R3HDM4: variants seen among roughly 807,000 people sequenced by gnomAD.
R3HDM4 encodes the protein R3H domain-containing protein 4.
A neutral mutation model predicts 31.3 loss-of-function variants in R3HDM4; 30 were observed. The observed-to-expected ratio is 0.96, with a 90% CI of 0.72 to 1.30. The LOEUF is 1.30. R3HDM4 is among the 50% of genes most tolerant of loss of function. R3HDM4 has a pLI of 0.00. For synonymous variants in R3HDM4, 196 were observed against 156.6 expected, an observed-to-expected ratio of 1.25 and a Z score of -1.88; for missense variants, 444 against 366.1, an observed-to-expected ratio of 1.21 and a Z score of -1.74.
At position 901,310 on chromosome 19, in the gene R3HDM4, G is replaced by C. The variant is rs552264478; in HGVS notation, c.351+112C>G. The C allele has an allele frequency of 2.1e-4, 253 of 1,203,454 alleles. 1 individual carries two copies. The African/African-American group carries it at 3.5e-3, about 16-fold the overall frequency. The allele number at this position is 1,203,454 out of a possible 1,614,324, so 74.5% of individuals were successfully genotyped here. On this transcript the variant is annotated intron_variant, in intron 3 of 7. Coordinates refer to ENST00000361574, the MANE Select transcript of R3HDM4 (RefSeq NM_138774.4). ...GGAGACTGAGGGGCCTTCATTAGGA[G>C]ATCAGAAGTGGGCGGGTGCTTCTGG...
chr19:903,564 G>C (rs113564307), intron 1 of R3HDM4, among the ~76,000 whole-genome samples: 5 of 152,164 alleles, frequency 3.3e-5, no homozygotes, highest in African/African-American at 1.2e-4. Flanking sequence ...GGGCCGGTGA[G>C]GGGGGGCCTC....
rs970612271 is a variant in R3HDM4, at chr19:901,178, C to T, written c.352-226G>A. 14 of 667,088 alleles carry T rather than the reference C, an allele frequency of 2.1e-5. No homozygotes were observed. The African/African-American group carries it at 2.4e-4, about 11-fold the overall frequency. 41.3% of individuals were successfully genotyped at this position (667,088 alleles called of 1,614,324 possible). ...GGGTGGGGGGGATTGAGGTGAAACA[C>T]TCCTGCAATCGTTGGAGGGTTCCCA... On this transcript the variant is annotated intron_variant, in intron 3 of 7. Transcript: ENST00000361574.
rs764676390 is a variant in R3HDM4, at chr19:899,674, T to C, written c.574A>G (p.Thr192Ala). 1.3e-6 allele frequency: 2 copies of C among 1,593,680 alleles called. No individual in the cohort carries two copies. Among genetic ancestry groups the C allele is most frequent in the East Asian group, 2.2e-5 (1 of 44,498 alleles). The change falls in exon 6 of 8, where the codon ACC becomes GCC. Residue 192 changes from threonine (T) to alanine (A), a missense_variant. Thr to Ala is a moderately conservative substitution (Grantham distance 58). Transcript: ENST00000361574. The surrounding 1 kb of genome is among the most constrained non-coding windows in gnomAD (Gnocchi z 6.8). ...AACCGAAGCAGCCGCTCCTCCCAGG[T>C]CTCCAGCGTTTCCTGGGGAGAGCGG... The part of the protein sequence containing the change: ...RSRIPMETLE[T>A]WEERLLRFFS...
chr19:900,878 C>G lies in R3HDM4; in HGVS notation c.426G>C (p.Arg142Ser). ...CAGGGCCCCTCCTCCGCGCCTTGCTCCTGCCCTCATCCTCCAGGTAGCGAA... is the reference window on the plus strand; with the variant it reads ...CAGGGCCCCTCCTCCGCGCCTTGCTGCTGCCCTCATCCTCCAGGTAGCGAA... Reference protein sequence around the residue: ...RVLRYLEDEGRSKARRRGPGR... With the variant: ...RVLRYLEDEGSSKARRRGPGR... Residue 142 changes from arginine to serine, a missense_variant, in exon 4 of 8, where the codon AGG becomes AGC. Transcript: ENST00000361574. 6.3e-7 allele frequency: 1 copy of G among 1,576,306 alleles called. No individual in the cohort carries two copies. The highest frequency in any genetic ancestry group is 8.6e-7 in the Non-Finnish European group (1 of 1,162,822).
At chr19:905,007 G>T (rs575762652) in intron 1 of R3HDM4, among the ~76,000 whole-genome samples, 1 of 152,066 alleles carries the variant, frequency 6.6e-6, no homozygotes, top group East Asian at 1.9e-4. Flanking sequence ...AGGAGTTCAA[G>T]ACCACCCTGG....
intron 1 of R3HDM4, among the ~76,000 whole-genome samples, chr19:910,713 T>C (rs536355260): frequency 6.6e-6 from 1 of 152,116 alleles, no homozygotes; most frequent in Admixed American, 6.6e-5. Flanking sequence ...CAAAGACGCA[T>C]CCTTTCTCCT....
chr19:899,900 G>A lies in R3HDM4; in HGVS notation c.561+161C>T, dbSNP rs190082648. Among the ~76,000 whole-genome samples, 6 of 152,250 alleles carry A rather than the reference G, an allele frequency of 3.9e-5. No individual in the cohort carries two copies. Among genetic ancestry groups the A allele is most frequent in the Non-Finnish European group, 5.9e-5 (4 of 68,000 alleles). The stretch of plus-strand genomic sequence containing the variant: ...TACACACCCTGCAGTGCCCGCCTTC[G>A]TTGCCCCCGCCCTCCTACTCAGGGC... On this transcript the variant is annotated intron_variant, in intron 5 of 7. Transcript: ENST00000361574. The surrounding 1 kb of genome is among the most constrained non-coding windows in gnomAD (Gnocchi z 6.8).
chr19:909,374 G>A (rs1382775362), intron 1 of R3HDM4, among the ~76,000 whole-genome samples: 4 of 152,152 alleles, frequency 2.6e-5, no homozygotes, highest in South Asian at 4.1e-4. Flanking sequence ...GGCAGACTGC[G>A]GCGGCCCCCA....
At chr19:909,950 C>T (rs908444439) in intron 1 of R3HDM4, among the ~76,000 whole-genome samples, 1 of 152,170 alleles carries the variant, frequency 6.6e-6, no homozygotes, top group Non-Finnish European at 1.5e-5. Flanking sequence ...TTTGTGAGCC[C>T]AAGGCAGGTG....
Position 897,347 on chromosome 19 carries a change from A to G in R3HDM4, c.*90T>C. ...AAGCGAAAAAGGTTTCCGAGGACAAATTCTAAAAATATGAAAGATATTTTA... is the reference window on the plus strand; with the variant it reads ...AAGCGAAAAAGGTTTCCGAGGACAAGTTCTAAAAATATGAAAGATATTTTA... On this transcript the variant is annotated 3_prime_UTR_variant, in exon 8 of 8. Transcript: ENST00000361574. The G allele has an allele frequency of 9.7e-7, 1 of 1,029,884 alleles. No individual in the cohort carries two copies. Among genetic ancestry groups the G allele is most frequent in the Non-Finnish European group, 1.4e-6 (1 of 716,502 alleles). 63.8% of individuals were successfully genotyped at this position (1,029,884 alleles called of 1,614,324 possible).
In R3HDM4 at chr19:905,394, A is replaced by G. The variant is rs147666764; in HGVS notation, c.72-3264T>C. ...GTGACGCATGCCTGTAATCCCAGCT[A>G]TTTGAGAGGCTGAGGCAGGAGAATT... On this transcript the variant is annotated intron_variant, in intron 1 of 7. Transcript: ENST00000361574. Among the ~76,000 whole-genome samples, 143 of 151,112 alleles carry G rather than the reference A, an allele frequency of 9.5e-4. 4 individuals carry two copies. In the East Asian group the frequency reaches 0.024, roughly 26 times the overall value.
chr19:909,029 C>T (rs2036940115), intron 1 of R3HDM4, among the ~76,000 whole-genome samples: 2 of 152,236 alleles, frequency 1.3e-5, no homozygotes, highest in Non-Finnish European at 2.9e-5. Context: ...CGCCACTCAA[C>T]AAGACCACTT....
At chr19:911,960 T>C (rs2036976391) in intron 1 of R3HDM4, among the ~76,000 whole-genome samples, 1 of 149,262 alleles carries the variant, frequency 6.7e-6, no homozygotes, top group South Asian at 2.1e-4. Context: ...GGGACCAGGC[T>C]GGAGCGCATG....
At chr19:911,046 A>G (rs28512218) in intron 1 of R3HDM4, among the ~76,000 whole-genome samples, 156 of 152,132 alleles carry the variant, frequency 1.0e-3, no homozygotes, top group African/African-American at 2.9e-3. Flanking sequence ...GCGTGAACCC[A>G]GGAGGCGGAG....
chr19:906,057 C>T (rs1419961315), intron 1 of R3HDM4, among the ~76,000 whole-genome samples: 7 of 152,024 alleles, frequency 4.6e-5, no homozygotes, highest in Admixed American at 4.6e-4. Flanking sequence ...CAGAGTCTCA[C>T]TCTGTCACCC....
chr19:901,888 C>G, intron 2 of R3HDM4, 88 bp downstream of exon 2: 1 of 1,520,450 alleles, frequency 6.6e-7, no homozygotes, highest in Non-Finnish European at 9.0e-7. Context: ...AGGCACAGCT[C>G]ATGGGAGGGG....
intron 7 of R3HDM4, among the ~76,000 whole-genome samples, chr19:898,621 A>G (rs1301749089): frequency 2.1e-5 from 3 of 146,080 alleles, no homozygotes; most frequent in African/African-American, 5.0e-5. Flanking sequence ...TAACCAACCA[A>G]AACAAAAAAA....
intron 1 of R3HDM4, among the ~76,000 whole-genome samples, chr19:903,281 G>C (rs1183364709): frequency 6.6e-6 from 1 of 151,634 alleles, no homozygotes; most frequent in Non-Finnish European, 1.5e-5. Flanking sequence ...GCCAGGAGGA[G>C]AGTGCGGCTG....
At chr19:909,720 T>C (rs2036948869) in intron 1 of R3HDM4, among the ~76,000 whole-genome samples, 3 of 151,736 alleles carry the variant, frequency 2.0e-5, no homozygotes, top group Admixed American at 2.0e-4. Flanking sequence ...CGCTTGAACC[T>C]GGGAGGCAAA....
Sources: gnomAD v4.1 joint callset for allele counts (sites outside exome capture counted in the v4.1 genomes callset) on GRCh38, gnomAD v4.1.1 for gene constraint, Gnocchi (gnomAD v3.1) non-coding constraint, MANE v1.5 for transcripts, NCBI Gene and HGNC (gene_info 2026-07-23, HGNC 2026-07-21) for gene names.